SIGLEC1: variants seen among roughly 807,000 people sequenced by gnomAD.
SIGLEC1 encodes the protein sialic acid binding Ig like lectin 1.
SIGLEC1 carries 132 observed loss-of-function variants against 148.0 expected under a neutral mutation model. The observed-to-expected ratio is 0.89, with a 90% CI of 0.77 to 1.03. SIGLEC1 has a LOEUF of 1.03. SIGLEC1 is among the 50% of genes least tolerant of loss of function. The probability of loss-of-function intolerance (pLI) is 0.00; values close to 1 mark genes in which losing one functional copy is unlikely to be tolerated. For missense variants in SIGLEC1, 2,253 were observed against 2,271.4 expected (o/e 0.99, Z 0.16); for synonymous variants, 945 against 969.0 (o/e 0.98, Z 0.46).
Position 3,693,622 on chromosome 20 carries a change from G to A in SIGLEC1, c.3333C>T (p.Thr1111=). The A allele has an allele frequency of 6.2e-7, 1 of 1,612,076 alleles. No homozygotes were observed. The highest frequency in any genetic ancestry group is 8.5e-7 in the Non-Finnish European group (1 of 1,179,370). Residue 1111 remains threonine, a synonymous_variant, in exon 14 of 22, where the codon ACC becomes ACT. Coordinates refer to ENST00000344754, the MANE Select transcript of SIGLEC1 (RefSeq NM_023068.4). ...TGTAGGTGAGCTGGGCCGGGTGAGT[G>A]GTCCACACAAGGCAGGTCAGGTTCA... ...QLVNLTCLVW[T]THPAQLTYTW...
Position 3,692,511 on chromosome 20 carries a change from C to T in SIGLEC1, c.4030+10G>A. On this transcript the variant is annotated intron_variant, in intron 16 of 21. Transcript: ENST00000344754. ...TCCTGGGCAGCCCTGGCCAAGGACCCTCTGCTCACAGAGGACTTGCAGGGC... is the reference window on the plus strand; with the variant it reads ...TCCTGGGCAGCCCTGGCCAAGGACCTTCTGCTCACAGAGGACTTGCAGGGC... The T allele has an allele frequency of 6.3e-7, 1 of 1,580,946 alleles. No individual in the cohort carries two copies. The highest frequency in any genetic ancestry group is 8.5e-7 in the Non-Finnish European group (1 of 1,169,734).
intron 8 of SIGLEC1, 51 bp from the exon 9 acceptor site, chr20:3,698,184 C>T: frequency 6.9e-7 from 1 of 1,457,270 alleles, no homozygotes; most frequent in South Asian, 1.3e-5. Context: ...TCCAGGGCCC[C>T]ACAAGCCTGG....
rs768150742 is a variant in SIGLEC1 at position 3,706,559 on chromosome 20, TG to T, written c.196del (p.Gln66SerfsTer5). On this transcript the variant is annotated frameshift_variant, in exon 3 of 22. Coordinates refer to ENST00000344754, the MANE Select transcript of SIGLEC1 (RefSeq NM_023068.4). LOFTEE classifies it high-confidence loss of function. ...TAIWYYDYSGQRQVVSHSADP... is the reference protein window; with the variant it reads ...TAIWYYDYSGXRQVVSHSADP... ...CGCCGAGTGGCTCACCACCTGCCGCTGGCCCGAGTAGTCGTAGTACCAGATG... is the reference window on the plus strand; with the variant it reads ...CGCCGAGTGGCTCACCACCTGCCGCTGCCCGAGTAGTCGTAGTACCAGATG... 6.2e-7 allele frequency: 1 copy of T among 1,612,920 alleles called. No individual in the cohort carries two copies. Among genetic ancestry groups the T allele is most frequent in the Non-Finnish European group, 8.5e-7 (1 of 1,179,856 alleles).
chr20:3,692,950 C>T lies in SIGLEC1; in HGVS notation c.3690G>A (p.Gly1230=). The change falls in exon 15 of 22, where the codon GGG becomes GGA. Residue 1230 remains glycine, a synonymous_variant. Transcript: ENST00000344754. ...AGAAACCCTCATCCCTGGGCTGTGG[C>T]CCTCGCAGCTCCAGGCGCAGGGTGT... The part of the protein sequence containing the change: ...VPNTLRLELR[G]PQPRDEGFYS... 1 of 1,612,620 alleles carries T rather than the reference C, an allele frequency of 6.2e-7. No individual in the cohort carries two copies. The highest frequency in any genetic ancestry group is 8.5e-7 in the Non-Finnish European group (1 of 1,179,928).
Position 3,705,945 on chromosome 20 carries a change from C to T in SIGLEC1, c.505G>A (p.Glu169Lys), listed in dbSNP as rs1568847084. 5.0e-6 allele frequency: 8 copies of T among 1,614,152 alleles called. No individual in the cohort carries two copies. The highest frequency in any genetic ancestry group is 1.3e-5 in the African/African-American group (1 of 75,074). ...NCSTPYVCLQEQVRLQWQGQD... is the reference protein window; with the variant it reads ...NCSTPYVCLQKQVRLQWQGQD... ...CCTTGCCACTGCAGTCTGACCTGCT[C>T]CTGCAGGCATACGTAGGGAGTGGAG... The change falls in exon 4 of 22, where the codon GAG becomes AAG. Residue 169 changes from glutamate (E) to lysine (K), a missense_variant. Transcript: ENST00000344754.
chr20:3,688,790 C>A (rs561778717), intron 21 of SIGLEC1, 171 bp from the exon 22 acceptor site: 25 of 611,556 alleles, frequency 4.1e-5, no homozygotes, highest in Non-Finnish European at 3.5e-5. Flanking sequence ...GGACACACCA[C>A]AGGGGAGGAG....
Position 3,705,868 on chromosome 20 carries a change from G to A in SIGLEC1, c.582C>T (p.Thr194=), listed in dbSNP as rs201521093. 118 of 1,614,164 alleles carry A rather than the reference G, an allele frequency of 7.3e-5. 1 individual carries two copies. The East Asian group carries it at 8.0e-4, about 11-fold the overall frequency. ...VTFNSQKFEP[T]GVGHLETLHM... The stretch of plus-strand genomic sequence containing the variant: ...GGAGGGTCTCCAGGTGGCCGACGCC[G>A]GTGGGCTCAAACTTCTGGCTGTTGA... The change falls in exon 4 of 22, where the codon ACC becomes ACT. Residue 194 remains threonine, a synonymous_variant. Coordinates refer to ENST00000344754, the MANE Select transcript of SIGLEC1 (RefSeq NM_023068.4).
Position 3,692,519 on chromosome 20 carries a change from A to G in SIGLEC1, c.4030+2T>C. 1 of 1,587,694 alleles carries G rather than the reference A, an allele frequency of 6.3e-7. No individual in the cohort carries two copies. On this transcript the variant is annotated splice_donor_variant, in intron 16 of 21. Coordinates refer to ENST00000344754, the MANE Select transcript of SIGLEC1 (RefSeq NM_023068.4). LOFTEE classifies it high-confidence loss of function. ...AGCCCTGGCCAAGGACCCTCTGCTC[A>G]CAGAGGACTTGCAGGGCAGCAGGAC...
At position 3,688,323 on chromosome 20, in the gene SIGLEC1, C is replaced by G. The variant is rs146324770; in HGVS notation, c.*237G>C. ...GGGAGGAGATCCAGAGAAGAGAGAG[C>G]GAGATCAGCTCAGTGCTCTTCAGTG... On this transcript the variant is annotated 3_prime_UTR_variant, in exon 22 of 22. Coordinates refer to ENST00000344754, the MANE Select transcript of SIGLEC1 (RefSeq NM_023068.4). 1.9e-6 allele frequency: 1 copy of G among 518,650 alleles called. No individual in the cohort carries two copies. The highest frequency in any genetic ancestry group is 3.5e-6 in the Non-Finnish European group (1 of 285,292). 32.1% of individuals were successfully genotyped at this position (518,650 alleles called of 1,614,324 possible).
Position 3,689,694 on chromosome 20 carries a change from G to C in SIGLEC1, c.4903C>G (p.Arg1635Gly). 6.3e-7 allele frequency: 1 copy of C among 1,575,948 alleles called. No homozygotes were observed. The highest frequency in any genetic ancestry group is 8.6e-7 in the Non-Finnish European group (1 of 1,161,008). ...AGCAGCTGCTGGAACTGATGCAGGC[G>C]GTGCAGGGCTGGAACACAGAGCGGG... ...STYFGVRALH[R>G]LHQFQQLLWV... Residue 1635 changes from arginine to glycine, a missense_variant, in exon 20 of 22, where the codon CGC becomes GGC. Coordinates refer to ENST00000344754, the MANE Select transcript of SIGLEC1 (RefSeq NM_023068.4).
chr20:3,700,368 T>G (rs2087841046), intron 7 of SIGLEC1, among the ~76,000 whole-genome samples: 1 of 151,976 alleles, frequency 6.6e-6, no homozygotes, highest in Admixed American at 6.6e-5. Flanking sequence ...TCTGCCTGCC[T>G]CGGCCTCCCA....
rs752045792 is a variant in SIGLEC1 at position 3,691,998 on chromosome 20, T to G, written c.4235A>C (p.Gln1412Pro). 1.2e-6 allele frequency: 2 copies of G among 1,613,368 alleles called. No individual in the cohort carries two copies. Among genetic ancestry groups the G allele is most frequent in the Non-Finnish European group, 1.7e-6 (2 of 1,179,710 alleles). Reference protein sequence around the residue: ...VQVARNALRLQVQDVPAGDDT... With the variant: ...VQVARNALRLPVQDVPAGDDT... ...ATCACCTGCAGGCACATCTTGCACC[T>G]GCAGCCGTAGGGCGTTTCGGGCCAC... Residue 1412 changes from glutamine (Q) to proline (P), a missense_variant, in exon 17 of 22, where the codon CAG becomes CCG. Coordinates refer to ENST00000344754, the MANE Select transcript of SIGLEC1 (RefSeq NM_023068.4).
intron 1 of SIGLEC1, among the ~76,000 whole-genome samples, chr20:3,709,227 G>C (rs2087916262): frequency 6.6e-6 from 1 of 152,016 alleles, no homozygotes; most frequent in African/African-American, 2.4e-5. Context: ...AAAAAACCAT[G>C]AAATCCAACT....
At chr20:3,692,469 A>T (rs1250104729) in intron 16 of SIGLEC1, 52 bp downstream of exon 16, 1 of 1,520,444 alleles carries the variant, frequency 6.6e-7, no homozygotes, top group African/African-American at 1.4e-5. Flanking sequence ...GCCCAGAAGC[A>T]CCCTCCACCA....
Position 3,694,119 on chromosome 20 carries a change from T to C in SIGLEC1, c.3256+102A>G, listed in dbSNP as rs545281341. ...TTAGGAAGGGTGGGAATGGGGACTATTCCCGTGCCCCCAGGCTTCTAGAAC... is the reference window on the plus strand; with the variant it reads ...TTAGGAAGGGTGGGAATGGGGACTACTCCCGTGCCCCCAGGCTTCTAGAAC... On this transcript the variant is annotated intron_variant, in intron 13 of 21. Coordinates refer to ENST00000344754, the MANE Select transcript of SIGLEC1 (RefSeq NM_023068.4). The C allele has an allele frequency of 2.8e-4, 365 of 1,289,790 alleles. No homozygotes were observed. In the African/African-American group the frequency reaches 4.2e-3, roughly 15 times the overall value. 79.9% of individuals were successfully genotyped at this position (1,289,790 alleles called of 1,614,324 possible).
At chr20:3,701,022 G>T (rs1054688632) in intron 7 of SIGLEC1, among the ~76,000 whole-genome samples, 1 of 152,040 alleles carries the variant, frequency 6.6e-6, no homozygotes, top group Non-Finnish European at 1.5e-5. Flanking sequence ...TTTCTATTTG[G>T]CTTCCCACAT....
At chr20:3,692,819 G>T (rs1331233799) in intron 15 of SIGLEC1, 43 bp downstream of exon 15, 1 of 1,601,254 alleles carries the variant, frequency 6.2e-7, no homozygotes, top group African/African-American at 1.3e-5. Context: ...GGACACCACA[G>T]TGGGCTTCCA....
At chr20:3,689,539 G>A (rs1844771697) in intron 20 of SIGLEC1, 61 bp downstream of exon 20, 1 of 1,189,228 alleles carries the variant, frequency 8.4e-7, no homozygotes, top group African/African-American at 1.5e-5. Context: ...GGAATTTGGG[G>A]AGAAGACGAG....
chr20:3,707,094 G>A lies in SIGLEC1; in HGVS notation c.35C>T (p.Ser12Leu). ...GFLPKLLLLA[S>L]FFPAGQASWG... ...GCAAAGCTTACCTGCTGGGAAGAAT[G>A]AGGCCAGGAGGAGAAGCTTGGGCAA... The change falls in exon 2 of 22, where the codon TCA becomes TTA. Residue 12 changes from serine to leucine, a missense_variant. Transcript: ENST00000344754. The A allele has an allele frequency of 1.2e-6, 2 of 1,614,100 alleles. No homozygotes were observed. Among genetic ancestry groups the A allele is most frequent in the Non-Finnish European group, 1.7e-6 (2 of 1,179,966 alleles).
Sources: gnomAD v4.1 joint callset for allele counts (sites outside exome capture counted in the v4.1 genomes callset) on GRCh38, gnomAD v4.1.1 for gene constraint, MANE v1.5 for transcripts, NCBI Gene and HGNC (gene_info 2026-07-23, HGNC 2026-07-21) for gene names.